Variants in ITPA observed in about 807,000 individuals in gnomAD.
ITPA encodes inosine triphosphate pyrophosphatase.
ITPA carries 29 observed loss-of-function variants against 29.6 expected under a neutral mutation model. The observed-to-expected ratio is 0.98, with a 90% CI of 0.73 to 1.34. ITPA has a LOEUF of 1.34. Ranked by LOEUF, ITPA falls within the 40% of genes most tolerant of loss-of-function variation. The probability of loss-of-function intolerance (pLI) is 0.00; values close to 1 mark genes in which losing one functional copy is unlikely to be tolerated. For synonymous variants in ITPA, 103 were observed against 99.3 expected (o/e 1.04, Z -0.22); for missense variants, 241 against 251.5 (o/e 0.96, Z 0.28).
At chr20:3,209,308 C>T (rs554291436), upstream of ITPA, 35 of 586,404 alleles carry the variant, frequency 6.0e-5, 2 homozygotes, top group South Asian at 6.6e-4. The surrounding 1 kb of genome is among the most constrained non-coding windows in gnomAD (Gnocchi z 4.6). Context: ...AAGATAGCGT[C>T]CCTTAGGCAG....
At chr20:3,219,435 C>G (rs1009270180) in intron 6 of ITPA, among the ~76,000 whole-genome samples, 1 of 151,596 alleles carries the variant, frequency 6.6e-6, no homozygotes, top group Admixed American at 6.6e-5. Context: ...ATAACAAGAC[C>G]CCATCTTTGC....
chr20:3,218,662 C>T, intron 6 of ITPA, 30 bp downstream of exon 6: 1 of 1,553,518 alleles, frequency 6.4e-7, no homozygotes, highest in South Asian at 1.1e-5. Flanking sequence ...CAGTTCCCGC[C>T]GCGCGCCGCC....
Position 3,223,537 on chromosome 20 carries a change from G to A in ITPA, c.*75G>A. The A allele has an allele frequency of 8.7e-7, 1 of 1,148,912 alleles. No homozygotes were observed. The highest frequency in any genetic ancestry group is 1.3e-5 in the South Asian group (1 of 76,806). 71.2% of individuals were successfully genotyped at this position (1,148,912 alleles called of 1,614,324 possible). ...GCCCAAAACCTCCCGCATCGGGCAG[G>A]CACCCCCTGAAGTACTTCCTTCAGG... is the stretch of plus-strand genomic sequence containing the variant. On this transcript the variant is annotated 3_prime_UTR_variant, in exon 8 of 8. Transcript: ENST00000380113.
intron 1 of ITPA, 24 bp from the exon 2 acceptor site, chr20:3,213,145 G>A (rs2067211213): frequency 6.2e-7 from 1 of 1,608,440 alleles, no homozygotes; most frequent in Non-Finnish European, 8.5e-7. Context: ...ATGGTGATAA[G>A]TGTTCTCTTT....
intron 6 of ITPA, among the ~76,000 whole-genome samples, chr20:3,221,497 T>C (rs1483137447): frequency 6.7e-6 from 1 of 149,498 alleles, no homozygotes; most frequent in East Asian, 1.9e-4. Context: ...AGAAAACGTT[T>C]TCTGTCTATC....
upstream of ITPA, among the ~76,000 whole-genome samples, chr20:3,205,870 C>T (rs1470342544): frequency 2.6e-5 from 4 of 151,586 alleles, no homozygotes; most frequent in East Asian, 3.9e-4. Flanking sequence ...GCCTAGCTGA[C>T]GTGATGAAAT....
chr20:3,213,070 G>A (rs1018763415), intron 1 of ITPA, 99 bp from the exon 2 acceptor site: 8 of 1,259,794 alleles, frequency 6.4e-6, no homozygotes, highest in Middle Eastern at 1.9e-4. Context: ...TTTAGGAGAT[G>A]GGCAGCAGAG....
intron 5 of ITPA, among the ~76,000 whole-genome samples, chr20:3,217,995 G>A (rs1448706453): frequency 6.6e-6 from 1 of 150,924 alleles, no homozygotes. Context: ...TCGGCTCACT[G>A]CAAGCTCCGC....
intron 5 of ITPA, among the ~76,000 whole-genome samples, chr20:3,217,481 A>AT (rs774934890): frequency 6.6e-5 from 10 of 151,562 alleles, no homozygotes; most frequent in South Asian, 2.1e-4. Context: ...ATTTGTTTTA[A>AT]TTTTTTTTGG....
chr20:3,215,393 A>G, intron 5 of ITPA, 81 bp downstream of exon 5: 1 of 1,302,580 alleles, frequency 7.7e-7, no homozygotes, highest in Non-Finnish European at 1.1e-6. Flanking sequence ...CCCAACTAGT[A>G]ATCAGGAGTC....
Position 3,213,205 on chromosome 20 carries a change from T to G in ITPA, c.103T>G (p.Leu35Val). 6.2e-7 allele frequency: 1 copy of G among 1,614,192 alleles called. No individual in the cohort carries two copies. The highest frequency in any genetic ancestry group is 8.5e-7 in the Non-Finnish European group (1 of 1,180,022). The change falls in exon 2 of 8, where the codon TTG becomes GTG. Residue 35 changes from leucine to valine, a missense_variant. By Grantham distance (32) the Leu-to-Val change is conservative (BLOSUM62 1). Transcript: ENST00000380113. ...QILGDKFPCT[L>V]VAQKIDLPEY... ...TCTAGGAGATAAGTTTCCATGCACTTTGGTGGCACAGAAAATTGACCGTAT... is the reference window on the plus strand; with the variant it reads ...TCTAGGAGATAAGTTTCCATGCACTGTGGTGGCACAGAAAATTGACCGTAT...
At chr20:3,211,948 T>C (rs2067185648) in intron 1 of ITPA, among the ~76,000 whole-genome samples, 1 of 152,154 alleles carries the variant, frequency 6.6e-6, no homozygotes, top group East Asian at 1.9e-4. Flanking sequence ...TTTGGGAGAC[T>C]GAGGCTCAAG....
At chr20:3,218,354 G>GC (rs1206430357) in intron 5 of ITPA, among the ~76,000 whole-genome samples, 163 bp from the exon 6 acceptor site, 1 of 152,230 alleles carries the variant, frequency 6.6e-6, no homozygotes, top group Non-Finnish European at 1.5e-5. Context: ...TCCATTTCAA[G>GC]CCTAGTCCCA....
chr20:3,218,543 G>A lies in ITPA; in HGVS notation c.322G>A (p.Glu108Lys). Residue 108 changes from glutamate to lysine, a missense_variant, in exon 6 of 8, where the codon GAG (glutamate) becomes AAG (lysine). Physicochemically the swap from Glu to Lys is moderately conservative, Grantham distance 56. Coordinates refer to ENST00000380113, the MANE Select transcript of ITPA (RefSeq NM_033453.4). ...TCTCCACCAGCTCCTGGCCGGGTTCGAGGACAAGTCAGCCTATGCGCTCTG... is the reference window on the plus strand; with the variant it reads ...TCTCCACCAGCTCCTGGCCGGGTTCAAGGACAAGTCAGCCTATGCGCTCTG... ...EGLHQLLAGFEDKSAYALCTF... is the reference protein window; with the variant it reads ...EGLHQLLAGFKDKSAYALCTF... The A allele has an allele frequency of 1.2e-6, 2 of 1,613,954 alleles. No homozygotes were observed. The highest frequency in any genetic ancestry group is 1.7e-6 in the Non-Finnish European group (2 of 1,180,018).
intron 4 of ITPA, among the ~76,000 whole-genome samples, chr20:3,214,291 C>G (rs1234258231): frequency 6.6e-6 from 1 of 151,656 alleles, no homozygotes; most frequent in Non-Finnish European, 1.5e-5. Flanking sequence ...GAAGTACATT[C>G]ATAGGTAGAT....
At chr20:3,213,570 T>C in intron 3 of ITPA, 187 bp downstream of exon 3, 1 of 700,212 alleles carries the variant, frequency 1.4e-6, no homozygotes, top group Non-Finnish European at 2.5e-6. Flanking sequence ...GAATACATGG[T>C]ATCTCCCCCA....
intron 6 of ITPA, among the ~76,000 whole-genome samples, chr20:3,220,671 T>C (rs2067440632): frequency 1.3e-5 from 2 of 149,802 alleles, no homozygotes; most frequent in African/African-American, 4.9e-5. Context: ...ACCTCAGCCT[T>C]CCGAGTAGCT....
In ITPA at chr20:3,223,447, C is replaced by G; in HGVS notation, c.570C>G (p.Gly190=). Residue 190 remains glycine (G), a synonymous_variant, in exon 8 of 8, where the codon GGC becomes GGG. Coordinates refer to ENST00000380113, the MANE Select transcript of ITPA (RefSeq NM_033453.4). Reference sequence around the variant, plus strand: ...TGCTGGAGCTGCAGGAGTACTTTGGCAGTTTGGCAGCTTGACTTCTGCAGC... The same window carrying G: ...TGCTGGAGCTGCAGGAGTACTTTGGGAGTTTGGCAGCTTGACTTCTGCAGC... ...RALLELQEYF[G]SLAA is the part of the protein sequence containing the mutation. The G allele has an allele frequency of 6.2e-7, 1 of 1,612,682 alleles. No homozygotes were observed. The highest frequency in any genetic ancestry group is 8.5e-7 in the Non-Finnish European group (1 of 1,179,478).
intron 7 of ITPA, among the ~76,000 whole-genome samples, chr20:3,222,961 G>C (rs562840829): frequency 6.6e-6 from 1 of 152,184 alleles, no homozygotes. Flanking sequence ...CATGGAGGTC[G>C]GGCCCCTGGC....
Sources: gnomAD v4.1 joint callset for allele counts (sites outside exome capture counted in the v4.1 genomes callset) on GRCh38, gnomAD v4.1.1 for gene constraint, Gnocchi (gnomAD v3.1) non-coding constraint, MANE v1.5 for transcripts, NCBI Gene and HGNC (gene_info 2026-07-23, HGNC 2026-07-21) for gene names.